The following BLM variants were observed in gnomAD, a reference collection of about 807,000 sequenced individuals.
BLM encodes recQ-like DNA helicase BLM.
A neutral mutation model predicts 135.3 loss-of-function variants in BLM; 95 were observed. The observed-to-expected ratio is 0.70, with a 90% CI of 0.59 to 0.83. The LOEUF (loss-of-function observed/expected upper bound fraction) is 0.83. Ranked by LOEUF, BLM falls within the 40% of genes least tolerant of loss-of-function variation. The pLI is 0.00. For missense variants in BLM, 1,518 were observed against 1,663.9 expected, an observed-to-expected ratio of 0.91 and a Z score of 1.53; for synonymous variants, 520 against 589.2, an observed-to-expected ratio of 0.88 and a Z score of 1.70.
rs1897346891 is a variant in BLM at position 90,809,129 on chromosome 15, T to C, written c.3752-8T>C. 2 of 1,614,152 alleles carry C rather than the reference T, an allele frequency of 1.2e-6. No homozygotes were observed. Among genetic ancestry groups the C allele is most frequent in the African/African-American group, 2.7e-5 (2 of 75,060 alleles). ...AATTTAAATTCCTAATTTTATGCCT[T>C]TGCACAGAATCTTTATCTTCTGATC... On this transcript the variant is annotated splice_region_variant and splice_polypyrimidine_tract_variant and intron_variant, in intron 19 of 21. Coordinates refer to ENST00000355112, the MANE Select transcript of BLM (RefSeq NM_000057.4).
chr15:90,795,980 G>T (rs996258764), intron 16 of BLM, among the ~76,000 whole-genome samples: 2 of 152,200 alleles, frequency 1.3e-5, no homozygotes, highest in African/African-American at 2.4e-5. Flanking sequence ...TTTGGCTAGA[G>T]CAAAGGCCCT....
chr15:90,784,754 A>G (rs539086947), intron 13 of BLM, among the ~76,000 whole-genome samples, 167 bp from the exon 14 acceptor site: 15 of 152,202 alleles, frequency 9.9e-5, no homozygotes, highest in Admixed American at 9.2e-4. Context: ...CATTTCCAGC[A>G]CACATGAATT....
At chr15:90,729,840 ATTTTTATT>A (rs1441077506) in intron 1 of BLM, among the ~76,000 whole-genome samples, 1 of 151,712 alleles carries the variant, frequency 6.6e-6, no homozygotes, top group Non-Finnish European at 1.5e-5. Context: ...TAAGATTTTT[ATTTTTATT>A]TTTATTTTTA....
At chr15:90,733,211 A>G (rs1895114107) in intron 1 of BLM, among the ~76,000 whole-genome samples, 2 of 152,260 alleles carry the variant, frequency 1.3e-5, no homozygotes, top group African/African-American at 2.4e-5. Flanking sequence ...AACCACTGAC[A>G]CAGGATAGTT....
chr15:90,787,327 A>G (rs973734720), intron 14 of BLM, among the ~76,000 whole-genome samples: 1 of 152,096 alleles, frequency 6.6e-6, no homozygotes, highest in African/African-American at 2.4e-5. Context: ...TGCTGGGATT[A>G]CAGGCGTGAG....
Position 90,761,081 on chromosome 15 carries a change from A to T in BLM, c.1708A>T (p.Ile570Leu), listed in dbSNP as rs775758928. The change falls in exon 7 of 22, where the codon ATA becomes TTA. Residue 570 changes from isoleucine to leucine, a missense_variant. Physicochemically the swap from Ile to Leu is conservative, Grantham distance 5 (BLOSUM62 2). Around this residue, in one of 5 missense-constraint regions of BLM, gnomAD observed 724 missense variants for 756.9 expected, o/e 0.96. Transcript: ENST00000355112. ...TGATGATGATGATGACTGGGAAGAC[A>T]TAATGCATAATTTAGCAGCCAGCAA... is the stretch of plus-strand genomic sequence containing the variant. ...DFDDDDDWED[I>L]MHNLAASKSS... 4 of 1,563,600 alleles carry T rather than the reference A, an allele frequency of 2.6e-6. No homozygotes were observed. Among genetic ancestry groups the T allele is most frequent in the East Asian group, 2.2e-5 (1 of 44,514 alleles).
At chr15:90,747,952 C>G (rs1468225363) in intron 2 of BLM, among the ~76,000 whole-genome samples, 2 of 152,012 alleles carry the variant, frequency 1.3e-5, no homozygotes, top group African/African-American at 4.8e-5. Context: ...GGACTACAGG[C>G]ACCTGCCACC....
intron 8 of BLM, among the ~76,000 whole-genome samples, chr15:90,765,094 A>C (rs1316935133): frequency 2.0e-5 from 3 of 152,136 alleles, no homozygotes; most frequent in East Asian, 1.9e-4. Context: ...AACAAAAAAA[A>C]CACTTTTTTT....
chr15:90,732,162 A>G (rs1269589289), intron 1 of BLM, among the ~76,000 whole-genome samples: 6 of 152,168 alleles, frequency 3.9e-5, no homozygotes, highest in Non-Finnish European at 8.8e-5. Context: ...GTATATTTGA[A>G]TACTCACTAT....
At chr15:90,762,034 C>T (rs1024616747) in intron 7 of BLM, among the ~76,000 whole-genome samples, 3 of 151,922 alleles carry the variant, frequency 2.0e-5, no homozygotes, top group Non-Finnish European at 2.9e-5. Flanking sequence ...CTTAATACCA[C>T]GGAGGTTTTT....
Position 90,804,170 on chromosome 15 carries a change from G to C in BLM, c.3562G>C (p.Asp1188His). Reference sequence around the variant, plus strand: ...GATTTGTTTCTCTCTCATAAAGGTAGACTTTATGGAAACAGAAAATTCCAG... The same window carrying C: ...GATTTGTTTCTCTCTCATAAAGGTACACTTTATGGAAACAGAAAATTCCAG... ...QTVLNGNLKV[D>H]FMETENSSSV... Residue 1188 changes from aspartate to histidine, a missense_variant, in exon 19 of 22, where the codon GAC becomes CAC. Physicochemically the swap from Asp to His is moderately conservative, Grantham distance 81 (BLOSUM62 -1). This residue lies in a region of BLM where 626 missense variants were observed against 681.1 expected (regional missense o/e 0.92). Coordinates refer to ENST00000355112, the MANE Select transcript of BLM (RefSeq NM_000057.4). The C allele has an allele frequency of 6.2e-7, 1 of 1,613,088 alleles. No homozygotes were observed. Among genetic ancestry groups the C allele is most frequent in the African/African-American group, 1.3e-5 (1 of 75,018 alleles).
chr15:90,813,388 T>C (rs1897471759), intron 21 of BLM, among the ~76,000 whole-genome samples: 1 of 152,066 alleles, frequency 6.6e-6, no homozygotes, highest in Non-Finnish European at 1.5e-5. Flanking sequence ...GTGTTTAAGA[T>C]GGGATTTGTT....
intron 12 of BLM, among the ~76,000 whole-genome samples, chr15:90,781,271 A>C (rs1896610573): frequency 6.6e-6 from 1 of 152,140 alleles, no homozygotes; most frequent in Admixed American, 6.6e-5. Context: ...TGGGGTGTCC[A>C]ATCTTTTGGC....
chr15:90,778,538 C>T (rs540192538), intron 12 of BLM, among the ~76,000 whole-genome samples: 2 of 152,344 alleles, frequency 1.3e-5, no homozygotes, highest in East Asian at 3.9e-4. Flanking sequence ...CTCACATCCC[C>T]ATCCTGCCAG....
intron 1 of BLM, among the ~76,000 whole-genome samples, chr15:90,731,823 C>CTATT (rs1272040719): frequency 2.0e-5 from 3 of 151,320 alleles, no homozygotes; most frequent in Non-Finnish European, 4.4e-5. Context: ...TTTTAAAAAT[C>CTATT]TATTTATTTA....
At chr15:90,807,782 G>A (rs1366467455) in intron 19 of BLM, among the ~76,000 whole-genome samples, 1 of 152,112 alleles carries the variant, frequency 6.6e-6, no homozygotes, top group Non-Finnish European at 1.5e-5. Context: ...CTTTTTTAAT[G>A]CTAATCACAG....
At chr15:90,797,112 C>T (rs979397290) in intron 16 of BLM, among the ~76,000 whole-genome samples, 3 of 152,064 alleles carry the variant, frequency 2.0e-5, no homozygotes, top group African/African-American at 7.2e-5. Flanking sequence ...TATACCTAAT[C>T]ACCAAGAATT....
intron 17 of BLM, among the ~76,000 whole-genome samples, chr15:90,800,066 T>G (rs1897128609): frequency 6.6e-6 from 1 of 152,174 alleles, no homozygotes; most frequent in African/African-American, 2.4e-5. Flanking sequence ...GGGAGGCAAT[T>G]TATGACAACT....
Position 90,815,235 on chromosome 15 carries a change from C to T in BLM, c.4210C>T (p.Pro1404Ser), listed in dbSNP as rs1567069054. ...ATTGGGGATTATGGCTCCACCGAAG[C>T]CTATAAATAGACCGTTTCTTAAGCC... ...SKLGIMAPPK[P>S]INRPFLKPSY... Residue 1404 changes from proline (P) to serine (S), a missense_variant, in exon 22 of 22, where the codon CCT becomes TCT. Pro to Ser is a moderately conservative substitution (Grantham distance 74). Around this residue, in one of 5 missense-constraint regions of BLM, gnomAD observed 153 missense variants for 173.4 expected, o/e 0.88. Transcript: ENST00000355112. The surrounding 1 kb of genome is among the most constrained non-coding windows in gnomAD (Gnocchi z 4.6). The T allele has an allele frequency of 6.2e-7, 1 of 1,614,186 alleles. No homozygotes were observed. The highest frequency in any genetic ancestry group is 8.5e-7 in the Non-Finnish European group (1 of 1,180,030).
Sources: gnomAD v4.1 joint callset for allele counts (sites outside exome capture counted in the v4.1 genomes callset) on GRCh38, gnomAD v4.1.1 for gene constraint, gnomAD v4.1.1 regional missense constraint, Gnocchi (gnomAD v3.1) non-coding constraint, MANE v1.5 for transcripts, NCBI Gene and HGNC (gene_info 2026-07-23, HGNC 2026-07-21) for gene names.